Variants in PLAC1 observed in about 807,000 individuals in gnomAD.
PLAC1 encodes placenta associated 1.
For synonymous variants in PLAC1, 68 were observed against 62.1 expected (o/e 1.09, Z -0.44); for missense variants, 136 against 163.2 (o/e 0.83, Z 0.91).
upstream of PLAC1, among the ~76,000 whole-genome samples, chrX:134,659,144 C>T (rs1261036204): frequency 5.5e-5 from 6 of 109,740 alleles, no homozygotes; most frequent in Non-Finnish European, 7.6e-5. Flanking sequence ...TGCAGCAAAC[C>T]ACCATGGCAC....
chrX:134,638,764 A>T (rs770805384), intron 1 of PLAC1, among the ~76,000 whole-genome samples: 128 of 107,107 alleles, frequency 1.2e-3, no homozygotes, highest in African/African-American at 4.2e-3. Context: ...GGCTTTTTTA[A>T]AAAAAAAAAA....
At chrX:134,686,927 A>G (rs957191236) in intron 2 of PLAC1, among the ~76,000 whole-genome samples, 2 of 111,774 alleles carry the variant, frequency 1.8e-5, no homozygotes, top group Admixed American at 9.5e-5. Context: ...TGGTAATGCA[A>G]GAAGAGATGA....
chrX:134,596,650 A>G (rs2078063489), intron 2 of PLAC1, among the ~76,000 whole-genome samples: 3 of 111,152 alleles, frequency 2.7e-5, no homozygotes. Flanking sequence ...GCTGAAGTTC[A>G]GTGTGGCATG....
chrX:134,575,508 G>A (rs569059971), intron 2 of PLAC1, among the ~76,000 whole-genome samples: 4 of 108,823 alleles, frequency 3.7e-5, no homozygotes, highest in African/African-American at 6.7e-5. Flanking sequence ...AGTGGCTCAC[G>A]CCTGTAATCC....
intron 1 of PLAC1, among the ~76,000 whole-genome samples, chrX:134,758,616 T>C (rs1057070912): frequency 2.7e-5 from 3 of 112,001 alleles, no homozygotes; most frequent in African/African-American, 9.7e-5. Flanking sequence ...ATTGGACCCC[T>C]ATCTCTTACC....
rs1388965321 is a variant in PLAC1 at position 134,639,517 on chromosome X, T to C, written c.-131+18811A>G. On this transcript the variant is annotated intron_variant, in intron 1 of 2. Coordinates refer to ENST00000359237, the MANE Select transcript of PLAC1 (RefSeq NM_021796.4). The stretch of plus-strand genomic sequence containing the variant: ...CCAGCTAGTCTACCCTTCCCACAAC[T>C]ACCCAGTTTGTCCACAGAATTGAGG... Among the ~76,000 whole-genome samples the C allele has an allele frequency of 4.5e-5, 5 of 111,886 alleles. No individual in the cohort carries two copies. In the Admixed American group the frequency reaches 4.7e-4, roughly 11 times the overall value.
chrX:134,612,292 G>A (rs1330663276), intron 1 of PLAC1, among the ~76,000 whole-genome samples: 3 of 111,759 alleles, frequency 2.7e-5, no homozygotes, highest in Non-Finnish European at 5.6e-5. Flanking sequence ...TAAAATGGAG[G>A]ACAACAATAG....
At chrX:134,644,033 C>T (rs1441864352) in intron 1 of PLAC1, among the ~76,000 whole-genome samples, 6 of 110,643 alleles carry the variant, frequency 5.4e-5, no homozygotes, top group African/African-American at 2.0e-4. Flanking sequence ...GTTTCACACA[C>T]AGAAGCAATA....
At chrX:134,694,595 T>C (rs1764410614) in intron 2 of PLAC1, among the ~76,000 whole-genome samples, 1 of 112,070 alleles carries the variant, frequency 8.9e-6, no homozygotes, top group Non-Finnish European at 1.9e-5. Context: ...CTAGAATTAG[T>C]CGGAAATATT....
chrX:134,638,678 G>A (rs2078294567), intron 1 of PLAC1, among the ~76,000 whole-genome samples: 1 of 110,566 alleles, frequency 9.0e-6, no homozygotes, highest in African/African-American at 3.3e-5. Flanking sequence ...AATTCCGGGT[G>A]GTATAATTCT....
At chrX:134,615,358 T>C (rs1398343574) in intron 1 of PLAC1, among the ~76,000 whole-genome samples, 1 of 112,457 alleles carries the variant, frequency 8.9e-6, no homozygotes, top group Non-Finnish European at 1.9e-5. Context: ...ATATACTTGT[T>C]GGCTATTTGT....
chrX:134,691,616 T>C (rs956705540), intron 2 of PLAC1, among the ~76,000 whole-genome samples: 1 of 111,913 alleles, frequency 8.9e-6, no homozygotes, highest in African/African-American at 3.2e-5. Flanking sequence ...CTCTGGAAAT[T>C]TGACTGTTTA....
chrX:134,753,978 G>A (rs1362388126), intron 1 of PLAC1, among the ~76,000 whole-genome samples: 9 of 112,247 alleles, frequency 8.0e-5, no homozygotes. Flanking sequence ...ATGTTTAAGT[G>A]CTTCCATAGA....
chrX:134,621,570 A>C (rs1170545217), intron 1 of PLAC1, among the ~76,000 whole-genome samples: 1 of 110,830 alleles, frequency 9.0e-6, no homozygotes, highest in Non-Finnish European at 1.9e-5. Flanking sequence ...TTGGACTTGA[A>C]TCCTCAATGA....
intron 1 of PLAC1, among the ~76,000 whole-genome samples, chrX:134,651,609 G>A (rs2078363378): frequency 1.8e-5 from 2 of 111,329 alleles, no homozygotes; most frequent in African/African-American, 3.3e-5. Flanking sequence ...ATCAAGATGC[G>A]GAGCTGTCAG....
At chrX:134,591,388 C>T (rs1242752284) in intron 2 of PLAC1, among the ~76,000 whole-genome samples, 1 of 112,395 alleles carries the variant, frequency 8.9e-6, no homozygotes, top group East Asian at 2.8e-4. Context: ...CTTTTGAATC[C>T]CAATGAATCG....
chrX:134,600,084 G>A (rs1041511326), intron 2 of PLAC1, among the ~76,000 whole-genome samples: 10 of 110,720 alleles, frequency 9.0e-5, no homozygotes, highest in Middle Eastern at 4.7e-3. Flanking sequence ...GGAGTGCAGT[G>A]GCATGATCAC....
intron 2 of PLAC1, among the ~76,000 whole-genome samples, chrX:134,584,018 G>GA (rs760343006): frequency 0.28 from 26,151 of 92,636 alleles, 2,991 homozygotes; most frequent in South Asian, 0.47. Flanking sequence ...ACAAGTGAAT[G>GA]AAAAAAAAAA....
chrX:134,613,041 T>C (rs1165653878), intron 1 of PLAC1, among the ~76,000 whole-genome samples: 3 of 110,742 alleles, frequency 2.7e-5, no homozygotes, highest in Non-Finnish European at 5.7e-5. Flanking sequence ...AAATCTGAGA[T>C]GGGTTGGGTG....
Sources: allele counts gnomAD v4.1 joint callset (sites outside exome capture counted in the v4.1 genomes callset), GRCh38; gene constraint gnomAD v4.1.1; transcripts MANE v1.5; gene names NCBI Gene and HGNC (gene_info 2026-07-23, HGNC 2026-07-21).